SLIT3: variants seen among roughly 807,000 people sequenced by gnomAD.
SLIT3 encodes slit guidance ligand 3.
Under a neutral mutation model 184.0 loss-of-function variants are expected in SLIT3, and 68 were observed. The ratio of observed to expected loss-of-function variants is 0.37; its 90% CI spans 0.30 to 0.45. The LOEUF is 0.45. Ranked by LOEUF, SLIT3 falls within the 20% of genes least tolerant of loss-of-function variation. The pLI is 1.00. For missense variants in SLIT3, 1,707 were observed against 2,026.0 expected (o/e 0.84, Z 3.02); for synonymous variants, 831 against 828.6 (o/e 1.00, Z -0.05).
intron 5 of SLIT3, among the ~76,000 whole-genome samples, chr5:168,851,279 C>T (rs1264543929): frequency 6.9e-6 from 1 of 144,416 alleles, no homozygotes; most frequent in Middle Eastern, 3.7e-3. Context: ...GCAGAGATCG[C>T]ACAACTGCAC....
At chr5:168,973,644 C>T (rs1236232639) in intron 4 of SLIT3, among the ~76,000 whole-genome samples, 2 of 152,180 alleles carry the variant, frequency 1.3e-5, no homozygotes, top group African/African-American at 4.8e-5. Context: ...AGTATATACA[C>T]AGATGTGTGC....
chr5:169,288,518 C>G (rs1378819973), intron 1 of SLIT3, among the ~76,000 whole-genome samples: 1 of 152,092 alleles, frequency 6.6e-6, no homozygotes, highest in African/African-American at 2.4e-5. Context: ...CCATAAATCT[C>G]CCTGCTCTGA....
chr5:168,777,474 A>C, intron 12 of SLIT3, among the ~76,000 whole-genome samples: 1 of 151,814 alleles, frequency 6.6e-6, no homozygotes, highest in Non-Finnish European at 1.5e-5. Flanking sequence ...AATCCTTCTC[A>C]CTCATCAGGT....
Position 168,711,046 on chromosome 5 carries a change from G to T in SLIT3, c.2568C>A (p.Thr856=), listed in dbSNP as rs1762542457. 6.3e-7 allele frequency: 1 copy of T among 1,582,342 alleles called. No homozygotes were observed. Among genetic ancestry groups the T allele is most frequent in the Non-Finnish European group, 8.6e-7 (1 of 1,163,044 alleles). The stretch of plus-strand genomic sequence containing the variant: ...GACTGCAGTCACAGTGGAGTGGGTT[G>T]GTTCCCAGCGCCCTAGGAGGCAGAA... The part of the protein sequence containing the change: ...LTSLSHLALG[T]NPLHCDCSLR... Residue 856 remains threonine (T), a synonymous_variant, in exon 25 of 36, where the codon ACC becomes ACA. Coordinates refer to ENST00000519560, the MANE Select transcript of SLIT3 (RefSeq NM_003062.4).
chr5:168,730,770 A>C (rs546445913), intron 20 of SLIT3, among the ~76,000 whole-genome samples: 15 of 152,212 alleles, frequency 9.9e-5, no homozygotes, highest in African/African-American at 3.6e-4. Context: ...TACCTCACAA[A>C]GGTAGAAAGA....
intron 4 of SLIT3, among the ~76,000 whole-genome samples, chr5:169,074,860 T>C (rs1270212229): frequency 6.6e-6 from 1 of 152,206 alleles, no homozygotes; most frequent in East Asian, 1.9e-4. Context: ...AGGGCTCCTG[T>C]GGCTCCAGAG....
intron 4 of SLIT3, among the ~76,000 whole-genome samples, chr5:168,936,185 C>T (rs6879973): frequency 0.53 from 80,445 of 152,068 alleles, 23,101 homozygotes; most frequent in African/African-American, 0.77. Flanking sequence ...TCAACATCCA[C>T]TGGGCCAAGA....
At position 168,753,793 on chromosome 5, in the gene SLIT3, G is replaced by C. The variant is rs140320671; in HGVS notation, c.1829+71C>G. Reference sequence around the variant, plus strand: ...TGCCTGGGTCCCACTTGCCTTCGTAGTCTGTCTCTAATTCCCCTGCCCTCC... The same window carrying C: ...TGCCTGGGTCCCACTTGCCTTCGTACTCTGTCTCTAATTCCCCTGCCCTCC... On this transcript the variant is annotated intron_variant, in intron 17 of 35. Transcript: ENST00000519560. 3.9e-4 allele frequency: 597 copies of C among 1,549,242 alleles called. 6 individuals carry two copies. The African/African-American group carries it at 7.5e-3, about 19-fold the overall frequency.
At chr5:169,102,659 G>A (rs1760063333) in intron 4 of SLIT3, among the ~76,000 whole-genome samples, 1 of 152,184 alleles carries the variant, frequency 6.6e-6, no homozygotes, top group South Asian at 2.1e-4. Context: ...ACAAGTGTGT[G>A]TGTGTTTGTG....
At chr5:168,884,148 C>T (rs1760074646) in intron 4 of SLIT3, among the ~76,000 whole-genome samples, 1 of 151,408 alleles carries the variant, frequency 6.6e-6, no homozygotes, top group Non-Finnish European at 1.5e-5. Context: ...TTTGCTAGAC[C>T]AAACATGTGC....
intron 28 of SLIT3, among the ~76,000 whole-genome samples, chr5:168,694,639 G>C (rs908225904): frequency 2.0e-5 from 3 of 151,778 alleles, no homozygotes; most frequent in African/African-American, 7.3e-5. Context: ...CTTTTTTTGA[G>C]ACAGAGTTTT....
intron 4 of SLIT3, among the ~76,000 whole-genome samples, chr5:168,940,610 A>G (rs762495308): frequency 7.9e-5 from 12 of 152,188 alleles, no homozygotes; most frequent in Non-Finnish European, 7.3e-5. Context: ...GGTATCAACA[A>G]GACAAGGATG....
At chr5:169,267,288 A>C (rs1476981731) in intron 1 of SLIT3, among the ~76,000 whole-genome samples, 11 of 152,212 alleles carry the variant, frequency 7.2e-5, no homozygotes, top group Non-Finnish European at 1.2e-4. Flanking sequence ...TAAAGGGTGA[A>C]AGAGAAATTG....
chr5:168,868,722 C>T (rs1420116618), intron 5 of SLIT3, among the ~76,000 whole-genome samples: 4 of 131,374 alleles, frequency 3.0e-5, no homozygotes, highest in Admixed American at 8.5e-5. Flanking sequence ...CACACCAGCC[C>T]GGGTGGCAGT....
At chr5:168,678,976 G>C (rs1435589993) in intron 32 of SLIT3, among the ~76,000 whole-genome samples, 1 of 152,216 alleles carries the variant, frequency 6.6e-6, no homozygotes, top group African/African-American at 2.4e-5. Context: ...CTCTGGAGTT[G>C]TCAGGGTGGG....
chr5:169,177,997 G>GA (rs200067885), intron 4 of SLIT3, among the ~76,000 whole-genome samples: 4,460 of 152,160 alleles, frequency 0.029, 85 homozygotes, highest in South Asian at 0.096. Context: ...CTTTCCTTGA[G>GA]AAAAAAAGTA....
intron 4 of SLIT3, among the ~76,000 whole-genome samples, chr5:169,116,839 T>G (rs1760684521): frequency 6.6e-6 from 1 of 152,194 alleles, no homozygotes; most frequent in Non-Finnish European, 1.5e-5. Context: ...CCCACAATCA[T>G]GTCCTACTTG....
intron 20 of SLIT3, among the ~76,000 whole-genome samples, chr5:168,733,697 A>G (rs1375250316): frequency 6.6e-6 from 1 of 152,078 alleles, no homozygotes; most frequent in Non-Finnish European, 1.5e-5. Flanking sequence ...TAAAACCTAG[A>G]TGATGGGTTG....
chr5:169,011,511 T>C (rs891552199), intron 4 of SLIT3, among the ~76,000 whole-genome samples: 1 of 152,112 alleles, frequency 6.6e-6, no homozygotes, highest in African/African-American at 2.4e-5. Context: ...AGGTGATTTA[T>C]GGAGAAGAGA....
Sources: allele counts gnomAD v4.1 joint callset (sites outside exome capture counted in the v4.1 genomes callset), GRCh38; gene constraint gnomAD v4.1.1; transcripts MANE v1.5; gene names NCBI Gene and HGNC (gene_info 2026-07-23, HGNC 2026-07-21).